METAP1D: variants seen among roughly 807,000 people sequenced by gnomAD.
METAP1D encodes methionine aminopeptidase 1D, mitochondrial.
In METAP1D, 31 loss-of-function variants were observed where a neutral mutation model predicts 40.5. The ratio of observed to expected loss-of-function variants is 0.77; its 90% confidence interval spans 0.58 to 1.03. METAP1D has a LOEUF of 1.03. METAP1D is among the 50% of genes least tolerant of loss of function. The probability of loss-of-function intolerance (pLI) is 0.00; values close to 1 mark genes in which losing one functional copy is unlikely to be tolerated. For missense variants in METAP1D, 411 were observed against 420.7 expected (o/e 0.98, Z 0.20); for synonymous variants, 151 against 146.4 (o/e 1.03, Z -0.22).
At chr2:172,037,943 C>T (rs898972517) in intron 1 of METAP1D, among the ~76,000 whole-genome samples, 7 of 152,198 alleles carry the variant, frequency 4.6e-5, no homozygotes, top group African/African-American at 1.7e-4. Flanking sequence ...AGAATCCTGG[C>T]TCTGGGGCTG....
At chr2:172,024,770 G>A (rs1030580990) in intron 1 of METAP1D, among the ~76,000 whole-genome samples, 5 of 105,174 alleles carry the variant, frequency 4.8e-5, no homozygotes, top group African/African-American at 7.0e-5. Flanking sequence ...GTGTGTGTGT[G>A]TGTGTGTGTG....
intron 5 of METAP1D, among the ~76,000 whole-genome samples, chr2:172,068,537 G>C (rs1261141341): frequency 1.3e-5 from 2 of 149,092 alleles, no homozygotes; most frequent in South Asian, 2.1e-4. Flanking sequence ...TTTTTCAGAC[G>C]GAGTTTCCCT....
At chr2:172,004,569 C>T (rs1464258136) in intron 1 of METAP1D, among the ~76,000 whole-genome samples, 3 of 152,156 alleles carry the variant, frequency 2.0e-5, no homozygotes, top group African/African-American at 4.8e-5. Context: ...TGGTGACGCA[C>T]CTGCCTCGGC....
chr2:172,024,420 A>G (rs1689077017), intron 1 of METAP1D, among the ~76,000 whole-genome samples: 1 of 152,254 alleles, frequency 6.6e-6, no homozygotes, highest in African/African-American at 2.4e-5. Flanking sequence ...ACCATTACCA[A>G]GCATGGAGGC....
chr2:172,011,760 C>T (rs1468792233), intron 1 of METAP1D, among the ~76,000 whole-genome samples: 1 of 152,196 alleles, frequency 6.6e-6, no homozygotes, highest in Non-Finnish European at 1.5e-5. Flanking sequence ...GGATATATCA[C>T]ATTTTGTTTA....
intron 1 of METAP1D, among the ~76,000 whole-genome samples, chr2:172,039,361 T>A (rs1689462872): frequency 6.6e-6 from 1 of 152,154 alleles, no homozygotes; most frequent in South Asian, 2.1e-4. Flanking sequence ...GTTTGACTTG[T>A]ATAGGGTAAT....
chr2:172,031,833 C>T (rs754443404), intron 1 of METAP1D, among the ~76,000 whole-genome samples: 4 of 152,202 alleles, frequency 2.6e-5, no homozygotes, highest in Non-Finnish European at 5.9e-5. Flanking sequence ...AGCCCTACGT[C>T]GTTGACTTTT....
chr2:172,035,170 G>A (rs1351518163), intron 1 of METAP1D, among the ~76,000 whole-genome samples: 1 of 151,084 alleles, frequency 6.6e-6, no homozygotes, highest in Non-Finnish European at 1.5e-5. Flanking sequence ...TTGTTTGTTT[G>A]TTTGTTTGTT....
chr2:172,023,841 T>C (rs571686634), intron 1 of METAP1D, among the ~76,000 whole-genome samples: 14 of 147,658 alleles, frequency 9.5e-5, no homozygotes, highest in African/African-American at 3.5e-4. Flanking sequence ...GTAGTGTGAG[T>C]GTTCACTGTA....
At chr2:172,054,633 G>A (rs1256924579) in intron 1 of METAP1D, among the ~76,000 whole-genome samples, 1 of 152,160 alleles carries the variant, frequency 6.6e-6, no homozygotes, top group African/African-American at 2.4e-5. Flanking sequence ...GCAGCTTTTA[G>A]AAATGGATGT....
At chr2:172,018,010 C>G (rs1688917218) in intron 1 of METAP1D, among the ~76,000 whole-genome samples, 1 of 151,418 alleles carries the variant, frequency 6.6e-6, no homozygotes, top group Non-Finnish European at 1.5e-5. Context: ...ACCTGTAATC[C>G]CAGCTACTTG....
intron 8 of METAP1D, 101 bp downstream of exon 8, chr2:172,079,363 C>A: frequency 9.5e-7 from 1 of 1,055,508 alleles, no homozygotes; most frequent in Non-Finnish European, 1.5e-6. Context: ...TAAAGCCAAT[C>A]AGTGTAATGA....
At chr2:172,043,674 C>A in intron 1 of METAP1D, among the ~76,000 whole-genome samples, 2 of 132,672 alleles carry the variant, frequency 1.5e-5, no homozygotes, top group Non-Finnish European at 1.8e-5. Context: ...TAAAAAAAAC[C>A]AAGGATAGAC....
chr2:172,042,972 T>C (rs1689638999), intron 1 of METAP1D, among the ~76,000 whole-genome samples: 2 of 127,578 alleles, frequency 1.6e-5, no homozygotes, highest in African/African-American at 2.6e-5. Context: ...TATGCGTACA[T>C]GTGCATACAT....
In METAP1D at chr2:172,081,798, C is replaced by G. The variant is rs1353266821; in HGVS notation, c.*1392C>G. The G allele has an allele frequency of 3.3e-5, 5 of 152,356 alleles. No homozygotes were observed. Among genetic ancestry groups the G allele is most frequent in the Admixed American group, 6.5e-5 (1 of 15,306 alleles). The allele number at this position is 152,356 out of a possible 1,614,324, so 9.4% of individuals were successfully genotyped here. A position where few individuals can be genotyped will look rare whatever the true frequency, so the allele number is the denominator to read the frequency against. On this transcript the variant is annotated 3_prime_UTR_variant, in exon 10 of 10. Coordinates refer to ENST00000315796, the MANE Select transcript of METAP1D (RefSeq NM_199227.3). ...TTCGGAAGCGGCAAGGAAATGGCAC[C>G]TGTAGTTGCCAGGACAGGTGGTGTC... is the stretch of plus-strand genomic sequence containing the variant.
intron 1 of METAP1D, among the ~76,000 whole-genome samples, chr2:172,049,038 G>A (rs374193105): frequency 2.6e-5 from 4 of 152,238 alleles, no homozygotes; most frequent in East Asian, 3.9e-4. Flanking sequence ...AGGCTGAAGT[G>A]CAGCAGCGCA....
rs192273352 is a variant in METAP1D at position 172,012,297 on chromosome 2, T to G, written c.40+12288T>G. 9.1e-4 allele frequency among the ~76,000 whole-genome samples: 139 copies of G among 152,352 alleles called. 1 individual carries two copies. The highest frequency in any genetic ancestry group is 1.7e-3 in the Non-Finnish European group (114 of 68,038). Reference sequence around the variant, plus strand: ...GTCCTCTCTCCCCTACTTTATGCTCTGTGCATAGCAGCTGTTCAGGACATC... The same window carrying G: ...GTCCTCTCTCCCCTACTTTATGCTCGGTGCATAGCAGCTGTTCAGGACATC... On this transcript the variant is annotated intron_variant, in intron 1 of 9. Coordinates refer to ENST00000315796, the MANE Select transcript of METAP1D (RefSeq NM_199227.3).
chr2:172,049,986 C>T (rs1158257463), intron 1 of METAP1D, among the ~76,000 whole-genome samples: 1 of 152,134 alleles, frequency 6.6e-6, no homozygotes, highest in East Asian at 1.9e-4. Context: ...TAGAGATGTA[C>T]AGTGAAAATC....
rs544330912 is a variant in METAP1D, at chr2:172,044,633, G to A, written c.41-16865G>A. Reference sequence around the variant, plus strand: ...AATAAGTCAGGTGAAGAGGCTGGGCGTGGTGGCTCACGCCTATAATCCCAG... The same window carrying A: ...AATAAGTCAGGTGAAGAGGCTGGGCATGGTGGCTCACGCCTATAATCCCAG... On this transcript the variant is annotated intron_variant, in intron 1 of 9. Transcript: ENST00000315796. 4.5e-5 allele frequency among the ~76,000 whole-genome samples: 6 copies of A among 134,026 alleles called. 1 individual carries two copies. Among genetic ancestry groups the A allele is most frequent in the South Asian group, 2.4e-4 (1 of 4,164 alleles). 87.9% of individuals were successfully genotyped at this position (134,026 alleles called of 152,430 possible).
Sources: gnomAD v4.1 joint callset for allele counts (sites outside exome capture counted in the v4.1 genomes callset) on GRCh38, gnomAD v4.1.1 for gene constraint, MANE v1.5 for transcripts, NCBI Gene and HGNC (gene_info 2026-07-23, HGNC 2026-07-21) for gene names.